The following XKR9 variants were observed in gnomAD, a reference collection of about 807,000 sequenced individuals.
XKR9 encodes the protein XK related 9.
In XKR9, 32 loss-of-function variants were observed where a neutral mutation model predicts 32.0. The ratio of observed to expected loss-of-function variants is 1.00; its 90% CI spans 0.76 to 1.34. The LOEUF is 1.34. Among genes scored for constraint, XKR9 ranks in the 40% most tolerant of loss-of-function variants. The pLI is 0.00. For synonymous variants in XKR9, 168 were observed against 143.4 expected, an observed-to-expected ratio of 1.17 and a Z score of -1.22; for missense variants, 546 against 429.7, an observed-to-expected ratio of 1.27 and a Z score of -2.39.
the XKR9 span, among the ~76,000 whole-genome samples, chr8:70,869,953 T>C: frequency 2.0e-5 from 3 of 152,152 alleles, no homozygotes; most frequent in Non-Finnish European, 4.4e-5. Context: ...CTCATATCTG[T>C]TTTGTTTTAT....
At chr8:70,880,657 C>T in the XKR9 span, among the ~76,000 whole-genome samples, 4 of 152,022 alleles carry the variant, frequency 2.6e-5, no homozygotes, top group East Asian at 1.9e-4. Context: ...CCATGCTCAT[C>T]GATAGGAAGA....
chr8:70,745,146 T>C (rs1023280576), intron 2 of XKR9, among the ~76,000 whole-genome samples: 2 of 133,064 alleles, frequency 1.5e-5, no homozygotes, highest in Non-Finnish European at 1.7e-5. Flanking sequence ...CATTTTCTTA[T>C]TGGTTTTATA....
chr8:71,045,435 C>T, the XKR9 span, among the ~76,000 whole-genome samples: 3 of 152,162 alleles, frequency 2.0e-5, no homozygotes, highest in East Asian at 1.9e-4. Context: ...CGATCTTCTA[C>T]GTGCTCTTCT....
chr8:70,757,136 C>G (rs1807238407), intron 2 of XKR9, among the ~76,000 whole-genome samples: 1 of 151,750 alleles, frequency 6.6e-6, no homozygotes, highest in African/African-American at 2.4e-5. Context: ...CTTATATGAC[C>G]TATTACATTA....
At chr8:70,811,284 C>G in the XKR9 span, among the ~76,000 whole-genome samples, 10 of 152,138 alleles carry the variant, frequency 6.6e-5, no homozygotes, top group Admixed American at 5.9e-4. Context: ...GGGACACATT[C>G]AAAGCAGTGT....
the XKR9 span, among the ~76,000 whole-genome samples, chr8:70,831,137 G>A: frequency 2.8e-4 from 43 of 151,880 alleles, no homozygotes; most frequent in Admixed American, 2.5e-3. Context: ...CTAAAAATAC[G>A]AAAATTAGCC....
intron 4 of XKR9, among the ~76,000 whole-genome samples, chr8:70,711,759 C>T (rs1186992890): frequency 1.3e-5 from 1 of 76,602 alleles, no homozygotes; most frequent in Admixed American, 1.3e-4. Flanking sequence ...AACCTGCACA[C>T]GTACCCCTTG....
intron 2 of XKR9, among the ~76,000 whole-genome samples, chr8:70,787,480 C>A (rs757832292): frequency 6.6e-6 from 1 of 152,066 alleles, no homozygotes; most frequent in Non-Finnish European, 1.5e-5. Context: ...AGTCTAGAAA[C>A]CCAGGACCTG....
At chr8:70,783,644 C>G (rs1393642830) in intron 2 of XKR9, among the ~76,000 whole-genome samples, 1 of 152,038 alleles carries the variant, frequency 6.6e-6, no homozygotes, top group Non-Finnish European at 1.5e-5. Flanking sequence ...AATATTTTCT[C>G]CCAATTTGTA....
chr8:70,834,107 TTTCTCTCTTTTTA>T, the XKR9 span, among the ~76,000 whole-genome samples: 4 of 151,982 alleles, frequency 2.6e-5, no homozygotes, highest in African/African-American at 9.7e-5. Flanking sequence ...TAACCTTGCA[TTTCTCTCTTTTTA>T]TTCTATATGT....
chr8:70,834,621 G>T, the XKR9 span, among the ~76,000 whole-genome samples: 1 of 152,014 alleles, frequency 6.6e-6, no homozygotes, highest in East Asian at 1.9e-4. Context: ...TTTTTGGATT[G>T]TAGTTTGGTC....
intron 2 of XKR9, among the ~76,000 whole-genome samples, chr8:70,772,735 G>T (rs4091812): frequency 3.3e-5 from 5 of 152,052 alleles, no homozygotes; most frequent in Non-Finnish European, 5.9e-5. Flanking sequence ...AAAATTAAAA[G>T]ACCTTTTGAA....
the XKR9 span, among the ~76,000 whole-genome samples, chr8:70,948,294 G>C: frequency 2.2e-4 from 33 of 152,242 alleles, no homozygotes; most frequent in African/African-American, 7.0e-4. Flanking sequence ...TATCCTACCT[G>C]CCTGCATTAG....
chr8:70,695,370 T>C (rs1805230502), intron 3 of XKR9, among the ~76,000 whole-genome samples: 2 of 124,630 alleles, frequency 1.6e-5, no homozygotes, highest in South Asian at 5.2e-4. Flanking sequence ...ATGTTCCCCT[T>C]CCTGTGTCCA....
chr8:70,911,665 A>C, the XKR9 span, among the ~76,000 whole-genome samples: 1 of 152,202 alleles, frequency 6.6e-6, no homozygotes, highest in Non-Finnish European at 1.5e-5. Flanking sequence ...TATGAAACCA[A>C]ACAGATGAGC....
intron 2 of XKR9, among the ~76,000 whole-genome samples, chr8:70,759,250 C>G (rs933324867): frequency 1.3e-5 from 2 of 152,132 alleles, no homozygotes; most frequent in African/African-American, 2.4e-5. Flanking sequence ...TAAAACAGCT[C>G]AGGCCCATGC....
At chr8:70,985,369 C>T in the XKR9 span, among the ~76,000 whole-genome samples, 7 of 152,132 alleles carry the variant, frequency 4.6e-5, no homozygotes, top group African/African-American at 7.2e-5. Flanking sequence ...CATAGTATTC[C>T]ATGGTGTATA....
the XKR9 span, among the ~76,000 whole-genome samples, chr8:71,026,564 G>A: frequency 6.6e-6 from 1 of 152,190 alleles, no homozygotes; most frequent in Non-Finnish European, 1.5e-5. Context: ...AATTGCTATT[G>A]TCGCAGGGAA....
At chr8:71,031,869 A>T in the XKR9 span, among the ~76,000 whole-genome samples, 1 of 152,320 alleles carries the variant, frequency 6.6e-6, no homozygotes, top group Admixed American at 6.5e-5. Flanking sequence ...TTTTAAGAGG[A>T]TACTGCTTCC....
Sources: gnomAD v4.1 joint callset for allele counts (sites outside exome capture counted in the v4.1 genomes callset) on GRCh38, gnomAD v4.1.1 for gene constraint, MANE v1.5 for transcripts, NCBI Gene and HGNC (gene_info 2026-07-23, HGNC 2026-07-21) for gene names.